Variants in NRP2 observed in about 807,000 individuals in gnomAD.
The protein encoded by NRP2 is neuropilin 2.
Under a neutral mutation model 110.4 loss-of-function variants are expected in NRP2, and 52 were observed. The ratio of observed to expected loss-of-function variants is 0.47; its 90% confidence interval spans 0.38 to 0.59. NRP2 has a LOEUF of 0.59. NRP2 is among the 20% of genes least tolerant of loss of function. The pLI, the probability that NRP2 is intolerant of heterozygous loss-of-function variation, is 0.00. For synonymous variants in NRP2, 508 were observed against 468.9 expected (o/e 1.08, Z -1.08); for missense variants, 1,049 against 1,203.0 (o/e 0.87, Z 1.89).
intron 15 of NRP2, among the ~76,000 whole-genome samples, chr2:205,774,889 G>A (rs2058074853): frequency 6.6e-6 from 1 of 152,172 alleles, no homozygotes; most frequent in Admixed American, 6.5e-5. Flanking sequence ...AGTTCCTCAT[G>A]ATGAGAGTGA....
intron 3 of NRP2, among the ~76,000 whole-genome samples, chr2:205,721,216 C>T (rs996758908): frequency 2.0e-5 from 3 of 152,158 alleles, no homozygotes; most frequent in Non-Finnish European, 4.4e-5. Context: ...GTATTGACAT[C>T]ACCTAGTTAT....
At chr2:205,776,157 T>G in intron 15 of NRP2, 4 of 1,267,266 alleles carry the variant, frequency 3.2e-6, no homozygotes, top group Non-Finnish European at 4.6e-6. Context: ...TCCCAAAGCA[T>G]GTGTGTGTTT....
At position 205,749,695 on chromosome 2, in the gene NRP2, ATTCTCTTATCTTCCT is replaced by A; in HGVS notation, c.1787-27_1787-13del. The stretch of plus-strand genomic sequence containing the variant: ...GGGTTGCAACACAGGCTGCTACAGC[ATTCTCTTATCTTCCT>A]TTGCCCTTACACAGACTCCAAGCCC... On this transcript the variant is annotated splice_polypyrimidine_tract_variant and intron_variant, in intron 10 of 16. Coordinates refer to ENST00000357785, the MANE Select transcript of NRP2 (RefSeq NM_003872.3). 6.3e-7 allele frequency: 1 copy of A among 1,576,630 alleles called. No individual in the cohort carries two copies. The highest frequency in any genetic ancestry group is 8.7e-7 in the Non-Finnish European group (1 of 1,145,848).
At position 205,722,704 on chromosome 2, in the gene NRP2, A is replaced by G. The variant is rs760141525; in HGVS notation, c.660A>G (p.Pro220=). The part of the protein sequence containing the change: ...YDWLDIWDGI[P]HVGPLIGKYC... ...GGCTGGACATCTGGGATGGCATTCCACATGGTGAGTGATGTCATGAGGCAT... is the reference window on the plus strand; with the variant it reads ...GGCTGGACATCTGGGATGGCATTCCGCATGGTGAGTGATGTCATGAGGCAT... The change falls in exon 4 of 17, where the codon CCA becomes CCG. Residue 220 remains proline, a synonymous_variant. Transcript: ENST00000357785. The G allele has an allele frequency of 1.2e-6, 2 of 1,612,948 alleles. No homozygotes were observed. Among genetic ancestry groups the G allele is most frequent in the Admixed American group, 1.7e-5 (1 of 59,996 alleles).
At chr2:205,717,374 C>T (rs968468473) in intron 3 of NRP2, among the ~76,000 whole-genome samples, 12 of 152,142 alleles carry the variant, frequency 7.9e-5, no homozygotes, top group African/African-American at 1.9e-4. Flanking sequence ...CCAAGACCGG[C>T]GCCTGTTGAG....
chr2:205,725,258 C>T lies in NRP2; in HGVS notation c.821-655C>T, dbSNP rs1258007641. Among the ~76,000 whole-genome samples, 2 of 152,186 alleles carry T rather than the reference C, an allele frequency of 1.3e-5. No homozygotes were observed. The highest frequency in any genetic ancestry group is 2.9e-5 in the Non-Finnish European group (2 of 68,036). ...TGCTGGCCGATCTTAGACACATGCA[C>T]ACACACATATCGATCAGTGTTGATG... On this transcript the variant is annotated intron_variant, in intron 5 of 16. Transcript: ENST00000357785. The surrounding 1 kb of genome is among the most constrained non-coding windows in gnomAD (Gnocchi z 4.1).
rs1283804069 is a variant in NRP2 at position 205,727,934 on chromosome 2, A to G, written c.1034A>G (p.Gln345Arg). Residue 345 changes from glutamine to arginine, a missense_variant, in exon 7 of 17, where the codon CAG (glutamine) becomes CGG (arginine). By Grantham distance (43) the Gln-to-Arg change is conservative (BLOSUM62 1). Coordinates refer to ENST00000357785, the MANE Select transcript of NRP2 (RefSeq NM_003872.3). ...FLTMLTAIAT[Q>R]GAISRETQNG... ...ACCATGCTCACGGCCATCGCAACAC[A>G]GGGAGCGATTTCCAGGGAAACACAG... 1 of 1,614,140 alleles carries G rather than the reference A, an allele frequency of 6.2e-7. No individual in the cohort carries two copies. The highest frequency in any genetic ancestry group is 8.5e-7 in the Non-Finnish European group (1 of 1,180,024).
intron 7 of NRP2, 66 bp downstream of exon 7, chr2:205,728,112 T>G: frequency 6.3e-7 from 1 of 1,591,336 alleles, no homozygotes; most frequent in Non-Finnish European, 8.6e-7. Context: ...TCAGGGGAGC[T>G]TTAAGCCGAC....
chr2:205,780,874 T>C (rs2058166246), intron 15 of NRP2, among the ~76,000 whole-genome samples: 1 of 152,226 alleles, frequency 6.6e-6, no homozygotes, highest in Non-Finnish European at 1.5e-5. Context: ...TGTCACTATC[T>C]GTCCCTTGCA....
intron 2 of NRP2, among the ~76,000 whole-genome samples, chr2:205,710,912 C>G (rs2056785194): frequency 6.6e-6 from 1 of 152,220 alleles, no homozygotes; most frequent in African/African-American, 2.4e-5. Context: ...TCTCAAATCA[C>G]TTTGACAGCA....
rs959605730 is a variant in NRP2 at position 205,725,069 on chromosome 2, C to T, written c.821-844C>T. ...CTCACCATATATATAACTACAGACA[C>T]GGCAGCCTGGCCTGCAGGAAGGTTG... On this transcript the variant is annotated intron_variant, in intron 5 of 16. Coordinates refer to ENST00000357785, the MANE Select transcript of NRP2 (RefSeq NM_003872.3). The surrounding 1 kb of genome is among the most constrained non-coding windows in gnomAD (Gnocchi z 4.1). Among the ~76,000 whole-genome samples, 7 of 152,278 alleles carry T rather than the reference C, an allele frequency of 4.6e-5. No individual in the cohort carries two copies. The highest frequency in any genetic ancestry group is 4.1e-4 in the South Asian group (2 of 4,822).
rs539538814 is a variant in NRP2, at chr2:205,725,844, C to A, written c.821-69C>A. ...CAAGGACTTGTCCCTAGAAGGGAGG[C>A]AGCATTTGGGGGATCCCGAGGTATG... On this transcript the variant is annotated intron_variant, in intron 5 of 16. Transcript: ENST00000357785. The surrounding 1 kb of genome is among the most constrained non-coding windows in gnomAD (Gnocchi z 4.1). 6.5e-7 allele frequency: 1 copy of A among 1,534,914 alleles called. No homozygotes were observed. The highest frequency in any genetic ancestry group is 2.2e-5 in the East Asian group (1 of 44,472).
chr2:205,714,879 C>T (rs150011954), intron 2 of NRP2, among the ~76,000 whole-genome samples: 178 of 152,274 alleles, frequency 1.2e-3, no homozygotes, highest in Non-Finnish European at 1.7e-3. Flanking sequence ...CAGGCCTCCC[C>T]AGCTCACACC....
At chr2:205,733,735 G>A (rs1022868031) in intron 7 of NRP2, among the ~76,000 whole-genome samples, 2 of 151,930 alleles carry the variant, frequency 1.3e-5, no homozygotes, top group African/African-American at 2.4e-5. Flanking sequence ...GACATTGACT[G>A]TTCCCCCCAA....
intron 15 of NRP2, chr2:205,776,082 G>A: frequency 1.3e-6 from 1 of 788,040 alleles, no homozygotes; most frequent in East Asian, 2.4e-5. Context: ...TGCAATCGTT[G>A]AGAAGTGCTT....
At chr2:205,778,225 T>C (rs2105951598) in intron 15 of NRP2, 1 of 152,142 alleles carries the variant, frequency 6.6e-6, no homozygotes, top group East Asian at 1.9e-4. Context: ...TAATGATTTT[T>C]TTTTTTTTTT....
rs146914499 is a variant in NRP2 at position 205,710,847 on chromosome 2, C to A, written c.252-5346C>A. ...AAGGCACTCCAGGAGGTGATAAATT[C>A]TCTGGCCTGGATAATCTACTCATGA... is the stretch of plus-strand genomic sequence containing the variant. On this transcript the variant is annotated intron_variant, in intron 2 of 16. Coordinates refer to ENST00000357785, the MANE Select transcript of NRP2 (RefSeq NM_003872.3). Among the ~76,000 whole-genome samples the A allele has an allele frequency of 2.6e-4, 39 of 152,316 alleles. 1 individual carries two copies. The East Asian group carries it at 6.6e-3, about 26-fold the overall frequency.
intron 7 of NRP2, among the ~76,000 whole-genome samples, chr2:205,736,963 T>C (rs1344778572): frequency 1.3e-5 from 2 of 152,182 alleles, no homozygotes; most frequent in African/African-American, 4.8e-5. Flanking sequence ...ATAGGGGAGA[T>C]GCAGGGAGAA....
At chr2:205,741,969 T>C (rs1405275511) in intron 8 of NRP2, among the ~76,000 whole-genome samples, 1 of 152,236 alleles carries the variant, frequency 6.6e-6, no homozygotes, top group Non-Finnish European at 1.5e-5. Flanking sequence ...TCAATTCAAA[T>C]TCTCTGCTCT....
Sources: gnomAD v4.1 joint callset for allele counts (sites outside exome capture counted in the v4.1 genomes callset) on GRCh38, gnomAD v4.1.1 for gene constraint, Gnocchi (gnomAD v3.1) non-coding constraint, MANE v1.5 for transcripts, NCBI Gene and HGNC (gene_info 2026-07-23, HGNC 2026-07-21) for gene names.